ASAP1: variants seen among roughly 807,000 people sequenced by gnomAD.
ASAP1 encodes ArfGAP with SH3 domain, ankyrin repeat and PH domain 1, also known as arf-GAP with SH3 domain, ANK repeat and PH domain-containing protein 1.
A neutral mutation model predicts 145.2 loss-of-function variants in ASAP1; 43 were observed. That is an observed-to-expected ratio of 0.30 (90% CI 0.23 to 0.38). The LOEUF (loss-of-function observed/expected upper bound fraction) is 0.38. Among genes scored for constraint, ASAP1 ranks in the 10% least tolerant of loss-of-function variants. ASAP1 has a pLI of 1.00. For synonymous variants in ASAP1, 546 were observed against 515.5 expected, an observed-to-expected ratio of 1.06 and a Z score of -0.80; for missense variants, 1,018 against 1,355.3, an observed-to-expected ratio of 0.75 and a Z score of 3.91.
intron 2 of ASAP1, among the ~76,000 whole-genome samples, chr8:130,392,548 G>A (rs553133647): frequency 8.2e-4 from 125 of 152,336 alleles, no homozygotes; most frequent in Middle Eastern, 6.8e-3. Context: ...ACAATCGTAT[G>A]TATGAGGAAA....
chr8:130,315,514 G>C (rs900753197), intron 3 of ASAP1, among the ~76,000 whole-genome samples: 3 of 152,330 alleles, frequency 2.0e-5, no homozygotes, highest in East Asian at 1.9e-4. Context: ...ACATTGAGCA[G>C]AGCATAAGGA....
At chr8:130,347,548 G>A (rs1825768354) in intron 3 of ASAP1, among the ~76,000 whole-genome samples, 1 of 152,194 alleles carries the variant, frequency 6.6e-6, no homozygotes, top group East Asian at 1.9e-4. Flanking sequence ...TTTGCTGTGT[G>A]ATCTGGGTAT....
intron 3 of ASAP1, among the ~76,000 whole-genome samples, chr8:130,311,599 TAA>T (rs1170675787): frequency 6.6e-6 from 1 of 151,870 alleles, no homozygotes; most frequent in Non-Finnish European, 1.5e-5. Flanking sequence ...CTGTCTCTAC[TAA>T]AAATACAAAA....
At chr8:130,439,590 G>A (rs1830425336) in intron 1 of ASAP1, among the ~76,000 whole-genome samples, 1 of 152,022 alleles carries the variant, frequency 6.6e-6, no homozygotes, top group Admixed American at 6.5e-5. Context: ...AAAAAAAAAA[G>A]GGTAACTTCA....
At chr8:130,059,249 G>C (rs1004582639) in intron 28 of ASAP1, among the ~76,000 whole-genome samples, 19 of 151,150 alleles carry the variant, frequency 1.3e-4, no homozygotes, top group African/African-American at 4.4e-4. Flanking sequence ...CTGCAGCCTC[G>C]ATCTCCAGGG....
intron 12 of ASAP1, among the ~76,000 whole-genome samples, chr8:130,155,064 T>A (rs1219403756): frequency 6.6e-6 from 1 of 152,234 alleles, no homozygotes. Flanking sequence ...AGTGTCATCC[T>A]AAATATCAAA....
chr8:130,350,662 G>C (rs1015832935), intron 3 of ASAP1, among the ~76,000 whole-genome samples: 1 of 152,222 alleles, frequency 6.6e-6, no homozygotes, highest in Non-Finnish European at 1.5e-5. Flanking sequence ...AGTGGCTACA[G>C]ACCCCCATCA....
At chr8:130,372,167 A>G (rs1827243188) in intron 2 of ASAP1, among the ~76,000 whole-genome samples, 1 of 152,256 alleles carries the variant, frequency 6.6e-6, no homozygotes, top group Non-Finnish European at 1.5e-5. Context: ...ATTTCATCTC[A>G]GAAATTGTTT....
At chr8:130,326,782 A>AT (rs1425130473) in intron 3 of ASAP1, among the ~76,000 whole-genome samples, 1 of 152,226 alleles carries the variant, frequency 6.6e-6, no homozygotes, top group African/African-American at 2.4e-5. Context: ...CAAAGCATTA[A>AT]TTTAATGCTT....
intron 5 of ASAP1, among the ~76,000 whole-genome samples, chr8:130,194,768 T>C (rs1265364541): frequency 6.6e-6 from 1 of 152,178 alleles, no homozygotes; most frequent in Non-Finnish European, 1.5e-5. Flanking sequence ...TCACCGCTGA[T>C]GTGACAGGAG....
intron 3 of ASAP1, among the ~76,000 whole-genome samples, chr8:130,326,153 T>A (rs755648785): frequency 2.0e-5 from 3 of 152,194 alleles, no homozygotes; most frequent in Non-Finnish European, 2.9e-5. Flanking sequence ...GGAGGTGGCA[T>A]GTGATATGCC....
At chr8:130,096,148 T>A (rs2097517434) in intron 24 of ASAP1, among the ~76,000 whole-genome samples, 1 of 152,114 alleles carries the variant, frequency 6.6e-6, no homozygotes, top group South Asian at 2.1e-4. Context: ...TGAGGTAAAA[T>A]AAGGTTGAAA....
chr8:130,197,432 G>C (rs1815573050), intron 5 of ASAP1, among the ~76,000 whole-genome samples: 1 of 152,096 alleles, frequency 6.6e-6, no homozygotes, highest in Non-Finnish European at 1.5e-5. Context: ...TTTTGAGACA[G>C]AACAGACTGT....
chr8:130,141,168 A>G (rs528166880), intron 13 of ASAP1, among the ~76,000 whole-genome samples: 6 of 152,344 alleles, frequency 3.9e-5, no homozygotes, highest in African/African-American at 1.4e-4. Context: ...GAGAAAAAAG[A>G]AAACAAAACA....
chr8:130,253,278 A>T (rs910534383), intron 3 of ASAP1, among the ~76,000 whole-genome samples: 1 of 152,206 alleles, frequency 6.6e-6, no homozygotes, highest in Non-Finnish European at 1.5e-5. Context: ...CCTCTATAAA[A>T]CAGGGAAATT....
At chr8:130,083,591 T>C (rs1473095553) in intron 25 of ASAP1, 1 of 152,164 alleles carries the variant, frequency 6.6e-6, no homozygotes, top group Non-Finnish European at 1.5e-5. Flanking sequence ...CCATGGTACC[T>C]ACTACCCTAG....
chr8:130,060,497 T>C (rs2097416704), intron 28 of ASAP1, 82 bp downstream of exon 28: 3 of 1,499,726 alleles, frequency 2.0e-6, no homozygotes, highest in South Asian at 2.7e-5. Context: ...CTTTTTCTTG[T>C]GTAAGTTGGA....
intron 13 of ASAP1, among the ~76,000 whole-genome samples, chr8:130,145,621 C>T (rs542799383): frequency 6.6e-6 from 1 of 152,088 alleles, no homozygotes; most frequent in African/African-American, 2.4e-5. Context: ...GTCTTTAAAG[C>T]GAGGGCATCA....
At chr8:130,137,418 G>A (rs940688258) in intron 13 of ASAP1, among the ~76,000 whole-genome samples, 10 of 152,098 alleles carry the variant, frequency 6.6e-5, no homozygotes, top group Admixed American at 1.3e-4. Context: ...ATGAACAGTC[G>A]GCATGGTCCA....
Sources: gnomAD v4.1 joint callset for allele counts (sites outside exome capture counted in the v4.1 genomes callset) on GRCh38, gnomAD v4.1.1 for gene constraint, MANE v1.5 for transcripts, NCBI Gene and HGNC (gene_info 2026-07-23, HGNC 2026-07-21) for gene names.